The following LAMA5 variants were observed in gnomAD, a reference collection of about 807,000 sequenced individuals.
LAMA5 encodes laminin subunit alpha 5, also known as laminin subunit alpha-5.
LAMA5 carries 260 observed loss-of-function variants against 433.4 expected under a neutral mutation model. The ratio of observed to expected loss-of-function variants is 0.60; its 90% confidence interval spans 0.54 to 0.66. The LOEUF is 0.66. Among genes scored for constraint, LAMA5 ranks in the 30% least tolerant of loss-of-function variants. The pLI, the probability that LAMA5 is intolerant of heterozygous loss-of-function variation, is 0.00. For missense variants in LAMA5, 5,378 were observed against 5,258.5 expected (o/e 1.02, Z -0.70); for synonymous variants, 2,620 against 2,226.6 (o/e 1.18, Z -4.97).
chr20:62,325,325 G>A lies in LAMA5; in HGVS notation c.5520C>T (p.Asp1840=), dbSNP rs756030994. The change falls in exon 41 of 80, where the codon GAC becomes GAT. Residue 1840 remains aspartate (D), a synonymous_variant. Transcript: ENST00000252999. The part of the protein sequence containing the change: ...LCLCPASYRG[D]SCQECAPGFY... ...GCTGTCCTAACCTCACCTGGCATGAGTCCCCCCGGTAGCTGGCGGGGCACA... is the reference window on the plus strand; with the variant it reads ...GCTGTCCTAACCTCACCTGGCATGAATCCCCCCGGTAGCTGGCGGGGCACA... The A allele has an allele frequency of 3.2e-6, 5 of 1,583,854 alleles. No homozygotes were observed. The South Asian group carries it at 5.7e-5, about 18-fold the overall frequency.
chr20:62,359,714 G>A lies in LAMA5; in HGVS notation c.450+2686C>T, dbSNP rs1356008861. On this transcript the variant is annotated intron_variant, in intron 2 of 79. Coordinates refer to ENST00000252999, the MANE Select transcript of LAMA5 (RefSeq NM_005560.6). This position sits in a 1 kb window ranked among gnomAD's most constrained non-coding sequence, Gnocchi z 4.3. ...ACCCTTGGAGAGAGAACCCCTCCAC[G>A]GCTGGGCGCAGCGGGACCCAGGCCA... Among the ~76,000 whole-genome samples the A allele has an allele frequency of 4.6e-5, 7 of 151,996 alleles. No homozygotes were observed. In the East Asian group the frequency reaches 7.8e-4, roughly 17 times the overall value.
At chr20:62,327,801 G>A (rs533827489) in intron 36 of LAMA5, 65 bp downstream of exon 36, 26 of 1,573,718 alleles carry the variant, frequency 1.7e-5, no homozygotes, top group Non-Finnish European at 2.1e-5. Context: ...CGAAAGGCCC[G>A]TAAGGACACT....
chr20:62,335,677 G>A lies in LAMA5; in HGVS notation c.2324-408C>T, dbSNP rs1169433086. On this transcript the variant is annotated intron_variant, in intron 18 of 79. Coordinates refer to ENST00000252999, the MANE Select transcript of LAMA5 (RefSeq NM_005560.6). ...GCACACTCACGGGTGCAGCCCCTCC[G>A]AGGAACCCCCACACACTAACACCCC... is the stretch of plus-strand genomic sequence containing the variant. Among the ~76,000 whole-genome samples the A allele has an allele frequency of 6.7e-5, 7 of 105,130 alleles. No individual in the cohort carries two copies. The Admixed American group carries it at 7.0e-4, about 11-fold the overall frequency. 69.0% of individuals were successfully genotyped at this position (105,130 alleles called of 152,430 possible).
In LAMA5 at chr20:62,337,647, T is replaced by A. The variant is rs375459100; in HGVS notation, c.2107A>T (p.Thr703Ser). 7.4e-6 allele frequency: 12 copies of A among 1,612,216 alleles called. No individual in the cohort carries two copies. Among genetic ancestry groups the A allele is most frequent in the Non-Finnish European group, 1.0e-5 (12 of 1,179,774 alleles). ...ACACATGTGTCACACCGCAGCCCCGTCACACGGGGCCGGCAGCTGCACTGC... is the reference window on the plus strand; with the variant it reads ...ACACATGTGTCACACCGCAGCCCCGACACACGGGGCCGGCAGCTGCACTGC... Reference protein sequence around the residue: ...SGQCSCRPRVTGLRCDTCVPG... With the variant: ...SGQCSCRPRVSGLRCDTCVPG... Residue 703 changes from threonine to serine, a missense_variant, in exon 16 of 80, where the codon ACG becomes TCG. Physicochemically the swap from Thr to Ser is moderately conservative, Grantham distance 58. Transcript: ENST00000252999.
intron 11 of LAMA5, among the ~76,000 whole-genome samples, chr20:62,344,826 G>A (rs1983107200): frequency 6.6e-6 from 1 of 151,964 alleles, no homozygotes; most frequent in African/African-American, 2.4e-5. Context: ...CAACCACTGG[G>A]GGTTGTTTAA....
In LAMA5 at chr20:62,309,982, C is replaced by A. The variant is rs1490224280; in HGVS notation, c.10828+6G>T. On this transcript the variant is annotated splice_donor_region_variant and intron_variant, in intron 78 of 79. Transcript: ENST00000252999. Reference sequence around the variant, plus strand: ...CAGAGTGCCCTGGCCACAGGAGGGGCCTCACCCGCTAGCCGGTGCCACTGG... The same window carrying A: ...CAGAGTGCCCTGGCCACAGGAGGGGACTCACCCGCTAGCCGGTGCCACTGG... 1.2e-6 allele frequency: 2 copies of A among 1,609,752 alleles called. No individual in the cohort carries two copies. The highest frequency in any genetic ancestry group is 1.7e-4 in the Middle Eastern group (1 of 6,036).
chr20:62,331,139 G>C lies in LAMA5; in HGVS notation c.3553-10C>G. ...CCAGAGTGACCCCGTGCTGCAGGCA[G>C]AGGGACGAGATGCTGCAACGCCCGT... is the stretch of plus-strand genomic sequence containing the variant. On this transcript the variant is annotated splice_polypyrimidine_tract_variant and intron_variant, in intron 28 of 79. Transcript: ENST00000252999. The C allele has an allele frequency of 6.5e-7, 1 of 1,548,574 alleles. No individual in the cohort carries two copies. Among genetic ancestry groups the C allele is most frequent in the Non-Finnish European group, 8.7e-7 (1 of 1,144,654 alleles).
chr20:62,330,619 A>C lies in LAMA5; in HGVS notation c.3853-5T>G. 2 of 1,588,606 alleles carry C rather than the reference A, an allele frequency of 1.3e-6. No individual in the cohort carries two copies. Among genetic ancestry groups the C allele is most frequent in the South Asian group, 2.3e-5 (2 of 86,838 alleles). On this transcript the variant is annotated splice_polypyrimidine_tract_variant and splice_region_variant and intron_variant, in intron 30 of 79. Coordinates refer to ENST00000252999, the MANE Select transcript of LAMA5 (RefSeq NM_005560.6). ...GGTGGTGAAGACCACGGTGGCCTGCAGGGATAGGCCCTAGTGAGCAGGCTG... is the reference window on the plus strand; with the variant it reads ...GGTGGTGAAGACCACGGTGGCCTGCCGGGATAGGCCCTAGTGAGCAGGCTG...
Position 62,335,246 on chromosome 20 carries a change from T to C in LAMA5, c.2347A>G (p.Thr783Ala). The C allele has an allele frequency of 6.2e-7, 1 of 1,612,578 alleles. No individual in the cohort carries two copies. Among genetic ancestry groups the C allele is most frequent in the South Asian group, 1.1e-5 (1 of 91,068 alleles). ...TGGCACTCAGCAACTCCACCCAGTG[T>C]GCCCCTGAGGTCGCAGCTGCAGCCT... Reference protein sequence around the residue: ...CTRCSCDLRGTLGGVAECQPG... With the variant: ...CTRCSCDLRGALGGVAECQPG... The change falls in exon 19 of 80, where the codon ACA (threonine) becomes GCA (alanine). Residue 783 changes from threonine to alanine, a missense_variant. By Grantham distance (58) the Thr-to-Ala change is moderately conservative. Coordinates refer to ENST00000252999, the MANE Select transcript of LAMA5 (RefSeq NM_005560.6).
At chr20:62,330,718 T>C in intron 30 of LAMA5, 25 bp downstream of exon 30, 1 of 1,555,740 alleles carries the variant, frequency 6.4e-7, no homozygotes, top group Non-Finnish European at 8.7e-7. Context: ...GACACCCCCG[T>C]CCCTCTAGAG....
At chr20:62,325,117 A>ATGAGGGG (rs71195440) in intron 41 of LAMA5, 199 bp downstream of exon 41, 78 of 562,274 alleles carry the variant, frequency 1.4e-4, no homozygotes, top group East Asian at 9.3e-4. Context: ...AGGCAGGCGG[A>ATGAGGGG]CGAGGGGCAG....
At position 62,313,436 on chromosome 20, in the gene LAMA5, C is replaced by A; in HGVS notation, c.8683G>T (p.Gly2895Cys). 1 of 1,609,942 alleles carries A rather than the reference C, an allele frequency of 6.2e-7. No homozygotes were observed. Among genetic ancestry groups the A allele is most frequent in the Non-Finnish European group, 8.5e-7 (1 of 1,178,778 alleles). The change falls in exon 64 of 80, where the codon GGC (glycine) becomes TGC (cysteine). Residue 2895 changes from glycine to cysteine, a missense_variant. Physicochemically the swap from Gly to Cys is radical, Grantham distance 159. Transcript: ENST00000252999. ...TCCATCTCGATGCAGCCCCGGTAGC[C>A]GGGGAAGCGAAGCAGGGGAGGGGGC... ...FTPPPLLRFP[G>C]YRGCIEMDTL...
intron 6 of LAMA5, 92 bp from the exon 7 acceptor site, chr20:62,347,120 G>A (rs77944813): frequency 1.1e-5 from 11 of 972,476 alleles, no homozygotes; most frequent in Non-Finnish European, 1.7e-5. Flanking sequence ...TGATCCCCTC[G>A]ATGGCTTGGC....
At position 62,337,666 on chromosome 20, in the gene LAMA5, G is replaced by T. The variant is rs1325123485; in HGVS notation, c.2088C>A (p.Cys696Ter). The T allele has an allele frequency of 6.2e-7, 1 of 1,612,206 alleles. No homozygotes were observed. The highest frequency in any genetic ancestry group is 8.5e-7 in the Non-Finnish European group (1 of 1,179,744). The change falls in exon 16 of 80, where the codon TGC becomes TGA. Residue 696 changes from cysteine (C) to a stop codon, truncating the protein, a stop_gained. Coordinates refer to ENST00000252999, the MANE Select transcript of LAMA5 (RefSeq NM_005560.6). LOFTEE classifies it high-confidence loss of function. Reference protein sequence around the residue: ...HAACDPRSGQCSCRPRVTGLR... With the variant: ...HAACDPRSGQ ...GCCCCGTCACACGGGGCCGGCAGCT[G>T]CACTGCCCACTCCGGGGGTCACAGG... is the stretch of plus-strand genomic sequence containing the variant.
At chr20:62,337,176 C>G (rs554663227) in intron 16 of LAMA5, among the ~76,000 whole-genome samples, 4 of 92,392 alleles carry the variant, frequency 4.3e-5, no homozygotes, top group African/African-American at 1.3e-4. Flanking sequence ...ACACGCGATA[C>G]GCGCACCCAC....
chr20:62,339,906 C>T lies in LAMA5; in HGVS notation c.1478-1298G>A, dbSNP rs143167940. On this transcript the variant is annotated intron_variant, in intron 11 of 79. Transcript: ENST00000252999. ...TCCTTCATGAGATAAAAACCGAAGA[C>T]GTCAGCGTGACCAAGAGGAAACTCC... 5.9e-5 allele frequency among the ~76,000 whole-genome samples: 9 copies of T among 152,278 alleles called. No individual in the cohort carries two copies. The East Asian group carries it at 1.5e-3, about 26-fold the overall frequency.
rs1555878728 is a variant in LAMA5 at position 62,332,926 on chromosome 20, T to TGCAGGAGGCAGGAGGCAGAAG, written c.3282+163_3282+164insCTTCTGCCTCCTGCCTCCTGC. On this transcript the variant is annotated intron_variant, in intron 26 of 79. Transcript: ENST00000252999. ...TACAGACAGGCACTGAGGTCACACA[T>TGCAGGAGGCAGGAGGCAGAAG]GCAGGAGGCAGGAGGCAGGAGGCAG... 4.6e-5 allele frequency among the ~76,000 whole-genome samples: 7 copies of TGCAGGAGGCAGGAGGCAGAAG among 150,866 alleles called. No individual in the cohort carries two copies. In the South Asian group the frequency reaches 1.3e-3, roughly 27 times the overall value.
chr20:62,317,025 T>TGCG lies in LAMA5; in HGVS notation c.7512-3_7512-2insCGC. On this transcript the variant is annotated splice_region_variant and splice_polypyrimidine_tract_variant and intron_variant, in intron 55 of 79. Transcript: ENST00000252999. Reference sequence around the variant, plus strand: ...TCCTGGTTGACGTCCAGGATGATGCTGCAGCGGAAGGGAGGGTCGAAGGAG... The same window carrying TGCG: ...TCCTGGTTGACGTCCAGGATGATGCTGCGGCAGCGGAAGGGAGGGTCGAAGGAG... 6.6e-7 allele frequency: 1 copy of TGCG among 1,522,840 alleles called. No homozygotes were observed. Among genetic ancestry groups the TGCG allele is most frequent in the Non-Finnish European group, 8.8e-7 (1 of 1,133,570 alleles). The allele number at this position is 1,522,840 out of a possible 1,614,324, so 94.3% of individuals were successfully genotyped here.
At position 62,311,083 on chromosome 20, in the gene LAMA5, G is replaced by T; in HGVS notation, c.10100C>A (p.Ser3367Tyr). ...GGAGCTTCGCGGGAGGACGTGCATG[G>T]AGAGACTGGGCCTGGAAGCGGAGCT... is the stretch of plus-strand genomic sequence containing the variant. ...LARHRNWPSL[S>Y]MHVLPRSSRG... The change falls in exon 74 of 80, where the codon TCC becomes TAC. Residue 3367 changes from serine (S) to tyrosine (Y), a missense_variant. Coordinates refer to ENST00000252999, the MANE Select transcript of LAMA5 (RefSeq NM_005560.6). 1 of 1,582,178 alleles carries T rather than the reference G, an allele frequency of 6.3e-7. No homozygotes were observed. Among genetic ancestry groups the T allele is most frequent in the Non-Finnish European group, 8.6e-7 (1 of 1,162,920 alleles).
Sources: allele counts gnomAD v4.1 joint callset (sites outside exome capture counted in the v4.1 genomes callset), GRCh38; gene constraint gnomAD v4.1.1; non-coding constraint Gnocchi (gnomAD v3.1); transcripts MANE v1.5; gene names NCBI Gene and HGNC (gene_info 2026-07-23, HGNC 2026-07-21).